The following DNM3 variants were observed in gnomAD, a reference collection of about 807,000 sequenced individuals.
DNM3 encodes dynamin-3.
A neutral mutation model predicts 101.6 loss-of-function variants in DNM3; 47 were observed. That is an observed-to-expected ratio of 0.46 (90% CI 0.37 to 0.59). DNM3 has a LOEUF of 0.59. Ranked by LOEUF, DNM3 falls within the 20% of genes least tolerant of loss-of-function variation. DNM3 has a pLI of 0.00. For missense variants in DNM3, 849 were observed against 1,085.7 expected (o/e 0.78, Z 3.06); for synonymous variants, 385 against 387.9 (o/e 0.99, Z 0.09).
intron 1 of DNM3, among the ~76,000 whole-genome samples, chr1:171,872,887 G>T (rs1053995949): frequency 2.6e-5 from 4 of 152,050 alleles, no homozygotes; most frequent in Admixed American, 2.6e-4. Context: ...CAAGAGTTTA[G>T]ATCAAACTTG....
chr1:171,890,388 A>G (rs2037163521), intron 1 of DNM3, among the ~76,000 whole-genome samples: 1 of 152,230 alleles, frequency 6.6e-6, no homozygotes. Context: ...CTAGAAAACT[A>G]CCAGATGCCT....
At chr1:172,251,337 A>G (rs1376692640) in intron 14 of DNM3, among the ~76,000 whole-genome samples, 1 of 79,144 alleles carries the variant, frequency 1.3e-5, no homozygotes, top group Non-Finnish European at 3.3e-5. Flanking sequence ...CCAAAGCACC[A>G]AGACTTTTTA....
At chr1:172,038,186 A>C in intron 6 of DNM3, 133 bp from the exon 7 acceptor site, 7 of 1,165,596 alleles carry the variant, frequency 6.0e-6, no homozygotes, top group Non-Finnish European at 8.5e-6. Flanking sequence ...GTCAATGTCA[A>C]ATGCAGACAT....
At chr1:171,894,194 G>A (rs1163111226) in intron 1 of DNM3, among the ~76,000 whole-genome samples, 2 of 151,010 alleles carry the variant, frequency 1.3e-5, no homozygotes, top group African/African-American at 4.9e-5. Flanking sequence ...CTGATCTCAA[G>A]TGACCCGCCC....
intron 4 of DNM3, among the ~76,000 whole-genome samples, chr1:172,002,257 A>G (rs1379182253): frequency 1.3e-5 from 2 of 152,122 alleles, no homozygotes; most frequent in African/African-American, 4.8e-5. Flanking sequence ...AGATTAAAAA[A>G]TGACTTCATA....
intron 14 of DNM3, among the ~76,000 whole-genome samples, chr1:172,219,377 CAAAAAAAAAAA>C (rs58783160): frequency 7.1e-5 from 4 of 56,300 alleles, no homozygotes; most frequent in African/African-American, 1.5e-4. Flanking sequence ...TACCCTGTCT[CAAAAAAAAAAA>C]AAAAAAAAAA....
intron 14 of DNM3, among the ~76,000 whole-genome samples, chr1:172,200,270 G>A (rs1294232345): frequency 1.3e-5 from 2 of 152,036 alleles, no homozygotes; most frequent in African/African-American, 4.8e-5. Context: ...CAGCTGGGAG[G>A]TTCACTGTTA....
rs913069008 is a variant in DNM3 at position 172,141,506 on chromosome 1, G to A, written c.1659+10218G>A. Among the ~76,000 whole-genome samples the A allele has an allele frequency of 4.6e-5, 7 of 152,190 alleles. No individual in the cohort carries two copies. The East Asian group carries it at 1.2e-3, about 25-fold the overall frequency. ...TTACAGAGTAAGTGAAAGCTTTGGC[G>A]TCTCTTTACCGAGCATGGATGCTTG... On this transcript the variant is annotated intron_variant, in intron 14 of 20. Transcript: ENST00000627582.
At chr1:172,098,603 T>C (rs947531518) in intron 13 of DNM3, among the ~76,000 whole-genome samples, 2 of 152,166 alleles carry the variant, frequency 1.3e-5, no homozygotes, top group African/African-American at 4.8e-5. Context: ...GCAAAGGAAA[T>C]CACAAGGGTA....
chr1:172,218,205 C>G (rs959627680), intron 14 of DNM3, among the ~76,000 whole-genome samples: 6 of 152,116 alleles, frequency 3.9e-5, no homozygotes, highest in African/African-American at 1.4e-4. Flanking sequence ...AAAAGAAGAA[C>G]ACTGGCATGT....
chr1:171,849,926 C>G (rs1023234426), intron 1 of DNM3, among the ~76,000 whole-genome samples: 3 of 152,154 alleles, frequency 2.0e-5, no homozygotes, highest in African/African-American at 7.2e-5. Flanking sequence ...ATGAATTTTT[C>G]TGACATTATT....
At position 172,048,864 on chromosome 1, in the gene DNM3, T is replaced by C. The variant is rs949212909; in HGVS notation, c.1335+114T>C. The stretch of plus-strand genomic sequence containing the variant: ...CACTTTGTTATAGATGTTGTGTGTT[T>C]GCCTACAGGGAATGGTTGTGGAAAG... On this transcript the variant is annotated intron_variant, in intron 10 of 20. Transcript: ENST00000627582. The C allele has an allele frequency of 5.3e-6, 7 of 1,309,774 alleles. No homozygotes were observed. The African/African-American group carries it at 1.0e-4, about 19-fold the overall frequency. The allele number at this position is 1,309,774 out of a possible 1,614,324, so 81.1% of individuals were successfully genotyped here.
At chr1:172,011,224 T>C (rs2047105665) in intron 4 of DNM3, among the ~76,000 whole-genome samples, 1 of 151,984 alleles carries the variant, frequency 6.6e-6, no homozygotes. Context: ...GGAACTTAAA[T>C]GATTCCCATC....
At chr1:171,923,557 A>G (rs1032842991) in intron 2 of DNM3, among the ~76,000 whole-genome samples, 11 of 150,996 alleles carry the variant, frequency 7.3e-5, no homozygotes, top group Non-Finnish European at 1.5e-4. Context: ...TTATTTTTGT[A>G]TATATCTAAG....
At chr1:172,355,079 C>T (rs2067383283) in intron 17 of DNM3, among the ~76,000 whole-genome samples, 1 of 152,134 alleles carries the variant, frequency 6.6e-6, no homozygotes, top group African/African-American at 2.4e-5. Flanking sequence ...GTATCACTTA[C>T]ATGCGCAAGC....
intron 1 of DNM3, among the ~76,000 whole-genome samples, chr1:171,903,764 G>A (rs1188045667): frequency 6.6e-6 from 1 of 152,146 alleles, no homozygotes; most frequent in African/African-American, 2.4e-5. Context: ...TCCTGAAAAA[G>A]GGGGCTTAAG....
intron 4 of DNM3, among the ~76,000 whole-genome samples, chr1:172,020,421 G>A (rs2047752127): frequency 6.6e-6 from 1 of 152,088 alleles, no homozygotes; most frequent in African/African-American, 2.4e-5. Flanking sequence ...GTCAGACCTT[G>A]ATAAGAAGAA....
chr1:172,113,172 G>T (rs1439043075), intron 13 of DNM3, among the ~76,000 whole-genome samples: 1 of 152,120 alleles, frequency 6.6e-6, no homozygotes, highest in Non-Finnish European at 1.5e-5. Flanking sequence ...TTGGAAAGAA[G>T]TAAAAAATTA....
rs1573791903 is a variant in DNM3 at position 172,410,601 on chromosome 1, A to AAAG, written c.*2761_*2763dup. The AAAG allele has an allele frequency of 3.0e-6, 3 of 984,964 alleles. No homozygotes were observed. The African/African-American group carries it at 5.2e-5, about 17-fold the overall frequency. 61.0% of individuals were successfully genotyped at this position (984,964 alleles called of 1,614,324 possible). A position where few individuals can be genotyped will look rare whatever the true frequency, so the allele number is the denominator to read the frequency against. On this transcript the variant is annotated 3_prime_UTR_variant, in exon 21 of 21. Transcript: ENST00000627582. ...TTATTGAAATAGTATTGATTTAGAA[A>AAAG]AAGTATATTGCATTTCTAAAAAACA...
Sources: gnomAD v4.1 joint callset for allele counts (sites outside exome capture counted in the v4.1 genomes callset) on GRCh38, gnomAD v4.1.1 for gene constraint, MANE v1.5 for transcripts, NCBI Gene and HGNC (gene_info 2026-07-23, HGNC 2026-07-21) for gene names.